CEP78: variants seen among roughly 807,000 people sequenced by gnomAD.
CEP78 encodes centrosomal protein of 78 kDa.
Under a neutral mutation model 81.2 loss-of-function variants are expected in CEP78, and 76 were observed. The ratio of observed to expected loss-of-function variants is 0.94; its 90% CI spans 0.78 to 1.13. The LOEUF (loss-of-function observed/expected upper bound fraction) is 1.13, where lower values mean the gene tolerates loss of function less well. Among genes scored for constraint, CEP78 ranks in the 50% most tolerant of loss-of-function variants. The pLI is 0.00. For synonymous variants in CEP78, 293 were observed against 301.4 expected (o/e 0.97, Z 0.29); for missense variants, 918 against 846.8 (o/e 1.08, Z -1.04).
intron 8 of CEP78, 41 bp from the exon 9 acceptor site, chr9:78,251,867 T>A (rs1199530705): frequency 7.0e-6 from 11 of 1,574,440 alleles, no homozygotes; most frequent in Non-Finnish European, 9.5e-6. Flanking sequence ...TGTAGACCTT[T>A]AGTGCATCTT....
rs898406282 is a variant in CEP78, at chr9:78,241,872, GC to G, written c.603+74del. ...CACGTTAATATTTTGATACAAGACA[GC>G]AGTTATTTTTGTCTTTTGATACATA... is the stretch of plus-strand genomic sequence containing the variant. On this transcript the variant is annotated intron_variant, in intron 4 of 16. Coordinates refer to ENST00000643273, the MANE Select transcript of CEP78 (RefSeq NM_001330691.3). 4 of 864,706 alleles carry G rather than the reference GC, an allele frequency of 4.6e-6. No homozygotes were observed. In the Admixed American group the frequency reaches 9.1e-5, roughly 20 times the overall value. 53.6% of individuals were successfully genotyped at this position (864,706 alleles called of 1,614,324 possible).
chr9:78,245,239 A>G (rs540313241), intron 5 of CEP78, among the ~76,000 whole-genome samples: 1 of 152,162 alleles, frequency 6.6e-6, no homozygotes, highest in Non-Finnish European at 1.5e-5. Flanking sequence ...ACAGAATTAT[A>G]TTCTGGGTGG....
At position 78,273,176 on chromosome 9, in the gene CEP78, A is replaced by G. The variant is rs1401659881; in HGVS notation, c.*2325A>G. 1 of 152,246 alleles carries G rather than the reference A, an allele frequency of 6.6e-6. No individual in the cohort carries two copies. Among genetic ancestry groups the G allele is most frequent in the Non-Finnish European group, 1.5e-5 (1 of 68,040 alleles). The allele number at this position is 152,246 out of a possible 1,614,324, so 9.4% of individuals were successfully genotyped here. The stretch of plus-strand genomic sequence containing the variant: ...AGTTTTTTACTCATAATAAACATGA[A>G]CAGGTTAAATTCTGGAATCCTTAGG... On this transcript the variant is annotated 3_prime_UTR_variant, in exon 17 of 17. Coordinates refer to ENST00000643273, the MANE Select transcript of CEP78 (RefSeq NM_001330691.3).
chr9:78,270,333 A>G (rs533241410), intron 16 of CEP78, among the ~76,000 whole-genome samples: 1 of 152,304 alleles, frequency 6.6e-6, no homozygotes, highest in South Asian at 2.1e-4. Flanking sequence ...AAATGTGGAT[A>G]TTTTGCTGCT....
intron 11 of CEP78, among the ~76,000 whole-genome samples, chr9:78,258,389 C>T (rs1473552602): frequency 6.6e-6 from 1 of 152,076 alleles, no homozygotes; most frequent in East Asian, 1.9e-4. Context: ...AAGGTGGACA[C>T]AGGTGGAAAG....
chr9:78,248,933 A>G, intron 8 of CEP78, 60 bp downstream of exon 8: 1 of 777,874 alleles, frequency 1.3e-6, no homozygotes, highest in Non-Finnish European at 2.1e-6. Flanking sequence ...TAAAATTAAA[A>G]TCTCTTCTCA....
intron 11 of CEP78, among the ~76,000 whole-genome samples, chr9:78,262,622 A>C (rs1269336542): frequency 1.3e-5 from 2 of 152,150 alleles, no homozygotes; most frequent in Admixed American, 6.5e-5. Flanking sequence ...TCATAGCCTT[A>C]ATTTTTATTT....
chr9:78,262,506 T>C (rs896353975), intron 11 of CEP78, among the ~76,000 whole-genome samples: 1 of 152,158 alleles, frequency 6.6e-6, no homozygotes, highest in African/African-American at 2.4e-5. Flanking sequence ...TCCCTTTTAA[T>C]TGGTTACTTG....
intron 8 of CEP78, 72 bp from the exon 9 acceptor site, chr9:78,251,836 A>G (rs1308803235): frequency 7.3e-7 from 1 of 1,375,012 alleles, no homozygotes; most frequent in Non-Finnish European, 1.0e-6. Flanking sequence ...TTTTAAGAGT[A>G]TGCACATGTG....
At position 78,236,261 on chromosome 9, in the gene CEP78, T is replaced by G. The variant is rs1435929412; in HGVS notation, c.-90T>G. 6 of 1,188,108 alleles carry G rather than the reference T, an allele frequency of 5.1e-6. No individual in the cohort carries two copies. Among genetic ancestry groups the G allele is most frequent in the Non-Finnish European group, 7.0e-6 (6 of 859,230 alleles). The allele number at this position is 1,188,108 out of a possible 1,614,324, so 73.6% of individuals were successfully genotyped here. On this transcript the variant is annotated 5_prime_UTR_variant, in exon 1 of 17. Transcript: ENST00000643273. ...GCTGCCGCTATCGCCTGGCCGTGGGTGCCGGAGCGGCCGGGTTGCGACTCA... is the reference window on the plus strand; with the variant it reads ...GCTGCCGCTATCGCCTGGCCGTGGGGGCCGGAGCGGCCGGGTTGCGACTCA...
chr9:78,257,105 CA>C (rs573769294), intron 11 of CEP78, among the ~76,000 whole-genome samples: 1,579 of 124,434 alleles, frequency 0.013, 15 homozygotes, highest in Middle Eastern at 0.072. Context: ...AAGGAAATTA[CA>C]AAAAAAAAAA....
At chr9:78,268,681 T>C (rs1351296486) in intron 16 of CEP78, among the ~76,000 whole-genome samples, 3 of 120,204 alleles carry the variant, frequency 2.5e-5, no homozygotes, top group Non-Finnish European at 5.1e-5. Flanking sequence ...GTTTCTTTTC[T>C]TTTTTTTTTT....
rs981503147 is a variant in CEP78, at chr9:78,248,176, A to G, written c.893-115A>G. On this transcript the variant is annotated intron_variant, in intron 6 of 16. Coordinates refer to ENST00000643273, the MANE Select transcript of CEP78 (RefSeq NM_001330691.3). ...AAAGGTATTTAATTACATTATGTGG[A>G]ATTCATATTCAATTTCATGGGAAAA... The G allele has an allele frequency of 4.4e-6, 3 of 682,444 alleles. No individual in the cohort carries two copies. The African/African-American group carries it at 5.5e-5, about 12-fold the overall frequency. The allele number at this position is 682,444 out of a possible 1,614,324, so 42.3% of individuals were successfully genotyped here.
intron 11 of CEP78, among the ~76,000 whole-genome samples, chr9:78,258,105 T>C (rs368821464): frequency 2.6e-5 from 4 of 152,220 alleles, no homozygotes; most frequent in East Asian, 3.8e-4. Context: ...TTAGCACGTA[T>C]TGGACACTGT....
At position 78,265,874 on chromosome 9, in the gene CEP78, C is replaced by T. The variant is rs1312751125; in HGVS notation, c.1813C>T (p.Gln605Ter). 1 of 1,399,194 alleles carries T rather than the reference C, an allele frequency of 7.1e-7. No individual in the cohort carries two copies. 86.7% of individuals were successfully genotyped at this position (1,399,194 alleles called of 1,614,324 possible). A position where few individuals can be genotyped will look rare whatever the true frequency, so the allele number is the denominator to read the frequency against. ...MQNIQVSICM[Q>*]SAYNEGTLMK... ...TTCCATCTAGGTTTCTATTTGTATG[C>T]AGTCAGCTTACAATGAAGGAACACT... Residue 605 changes from glutamine (Q) to a stop codon, truncating the protein, a stop_gained, in exon 15 of 17, where the codon CAG becomes TAG. Coordinates refer to ENST00000643273, the MANE Select transcript of CEP78 (RefSeq NM_001330691.3). LOFTEE classifies it high-confidence loss of function.
At chr9:78,259,260 C>T (rs138203450) in intron 11 of CEP78, among the ~76,000 whole-genome samples, 1,844 of 152,058 alleles carry the variant, frequency 0.012, 25 homozygotes, top group Non-Finnish European at 0.013. Context: ...TAGAAGTAGG[C>T]AAAACTAGAT....
intron 6 of CEP78, among the ~76,000 whole-genome samples, chr9:78,247,540 G>C (rs73653048): frequency 6.6e-6 from 1 of 152,214 alleles, no homozygotes. Context: ...GCCTGATCTT[G>C]TAAGGTTTGA....
chr9:78,244,607 C>A (rs1399998432), intron 5 of CEP78, among the ~76,000 whole-genome samples: 3 of 152,072 alleles, frequency 2.0e-5, no homozygotes, highest in African/African-American at 7.2e-5. Context: ...TGAGAACTCC[C>A]CTGCTTTTTC....
intron 8 of CEP78, chr9:78,250,504 C>T (rs1035267338): frequency 3.5e-5 from 9 of 254,180 alleles, no homozygotes; most frequent in African/African-American, 2.0e-4. Flanking sequence ...TTTGGGAGGC[C>T]GAGGCGGGTG....
Sources: allele counts gnomAD v4.1 joint callset (sites outside exome capture counted in the v4.1 genomes callset), GRCh38; gene constraint gnomAD v4.1.1; transcripts MANE v1.5; gene names NCBI Gene and HGNC (gene_info 2026-07-23, HGNC 2026-07-21).